The following PAH variants were observed in gnomAD, a reference collection of about 807,000 sequenced individuals.
The protein encoded by PAH is phenylalanine hydroxylase.
Under a neutral mutation model 62.0 loss-of-function variants are expected in PAH, and 64 were observed. The observed-to-expected ratio is 1.03, with a 90% confidence interval of 0.84 to 1.27. The LOEUF is 1.27. Ranked by LOEUF, PAH falls within the 50% of genes most tolerant of loss-of-function variation. The pLI, the probability that PAH is intolerant of heterozygous loss-of-function variation, is 0.00. For synonymous variants in PAH, 195 were observed against 196.2 expected, an observed-to-expected ratio of 0.99 and a Z score of 0.05; for missense variants, 579 against 542.8, an observed-to-expected ratio of 1.07 and a Z score of -0.66.
intron 1 of PAH, 130 bp from the exon 2 acceptor site, chr12:102,913,028 A>G (rs1878263978): frequency 1.5e-6 from 1 of 688,320 alleles, no homozygotes; most frequent in South Asian, 1.5e-5. Flanking sequence ...TGAGCTATAT[A>G]TATTCTATAC....
intron 3 of PAH, among the ~76,000 whole-genome samples, chr12:102,891,734 C>T (rs1457395546): frequency 6.6e-6 from 1 of 152,110 alleles, no homozygotes. Flanking sequence ...TCTTAACTCC[C>T]CCTCAATGTC....
intron 2 of PAH, among the ~76,000 whole-genome samples, chr12:102,902,349 C>T (rs1429167384): frequency 2.0e-5 from 3 of 152,156 alleles, no homozygotes; most frequent in African/African-American, 7.2e-5. Context: ...TTGGTTTTCA[C>T]TCTGAGTGAT....
At chr12:102,910,537 AT>A (rs1448703260) in intron 2 of PAH, among the ~76,000 whole-genome samples, 1 of 151,894 alleles carries the variant, frequency 6.6e-6, no homozygotes, top group Non-Finnish European at 1.5e-5. Context: ...CGCCGGGCTA[AT>A]TTTTTGTATT....
At chr12:102,895,365 C>G (rs1877456063) in intron 2 of PAH, among the ~76,000 whole-genome samples, 1 of 152,102 alleles carries the variant, frequency 6.6e-6, no homozygotes, top group Admixed American at 6.5e-5. Flanking sequence ...TATCTAATAT[C>G]TAAATTTATT....
chr12:102,849,829 T>C (rs1106703), intron 8 of PAH, among the ~76,000 whole-genome samples: 37,969 of 152,076 alleles, frequency 0.25, 5,963 homozygotes, highest in African/African-American at 0.41. Flanking sequence ...TCCTGTACTG[T>C]AGTGGGAAGC....
At chr12:102,956,503 G>C (rs1358297048) in intron 1 of PAH, among the ~76,000 whole-genome samples, 1 of 151,902 alleles carries the variant, frequency 6.6e-6, no homozygotes, top group African/African-American at 2.4e-5. Context: ...GCCTGCCACC[G>C]GGCCGCCGGG....
intron 3 of PAH, among the ~76,000 whole-genome samples, chr12:102,889,825 C>T (rs1221354214): frequency 6.6e-6 from 1 of 152,088 alleles, no homozygotes; most frequent in Non-Finnish European, 1.5e-5. Context: ...ATTTTCTAGC[C>T]CCCACTAAAT....
intron 8 of PAH, among the ~76,000 whole-genome samples, chr12:102,847,801 G>A (rs1188505556): frequency 6.6e-6 from 1 of 152,218 alleles, no homozygotes; most frequent in Non-Finnish European, 1.5e-5. Flanking sequence ...CAGACTTGAA[G>A]GAAGTGGAGT....
chr12:102,915,804 G>GAT (rs1878358153), intron 1 of PAH, among the ~76,000 whole-genome samples: 2 of 148,568 alleles, frequency 1.3e-5, no homozygotes, highest in African/African-American at 2.5e-5. Context: ...TGGAACCATT[G>GAT]ATATATATAC....
intron 2 of PAH, among the ~76,000 whole-genome samples, chr12:102,908,701 A>T (rs946239957): frequency 1.3e-5 from 2 of 152,254 alleles, no homozygotes; most frequent in African/African-American, 4.8e-5. Flanking sequence ...ATAGGTTACA[A>T]TTAATGAACC....
intron 1 of PAH, among the ~76,000 whole-genome samples, chr12:102,924,281 T>C (rs1323199930): frequency 6.6e-6 from 1 of 152,182 alleles, no homozygotes; most frequent in Non-Finnish European, 1.5e-5. Context: ...ATGTCCTGTA[T>C]AGAAAGTCTC....
chr12:102,895,854 C>CAA lies in PAH; in HGVS notation c.169-938_169-937dup, dbSNP rs780516168. Among the ~76,000 whole-genome samples the CAA allele has an allele frequency of 3.1e-3, 329 of 104,914 alleles. 1 individual carries two copies. Among genetic ancestry groups the CAA allele is most frequent in the African/African-American group, 8.9e-3 (262 of 29,288 alleles). The allele number at this position is 104,914 out of a possible 152,430, so 68.8% of individuals were successfully genotyped here. A position where few individuals can be genotyped will look rare whatever the true frequency, so the allele number is the denominator to read the frequency against. ...TGGGCGACAGAGCGAGACTCTGTCT[C>CAA]AAAAAAAAAAAAAAAATATATATAT... is the stretch of plus-strand genomic sequence containing the variant. On this transcript the variant is annotated intron_variant, in intron 2 of 12. Transcript: ENST00000553106.
At chr12:102,884,547 TG>T (rs1358702481) in intron 3 of PAH, among the ~76,000 whole-genome samples, 1 of 152,200 alleles carries the variant, frequency 6.6e-6, no homozygotes, top group Non-Finnish European at 1.5e-5. Flanking sequence ...TCTCTGGCTT[TG>T]CATCTGTGAA....
chr12:102,848,929 A>C (rs1027958331), intron 8 of PAH, among the ~76,000 whole-genome samples: 2 of 152,014 alleles, frequency 1.3e-5, no homozygotes, highest in Non-Finnish European at 2.9e-5. Context: ...CTGAGTGTAG[A>C]CGGGACACCA....
chr12:102,869,255 A>G (rs1192356421), intron 4 of PAH, among the ~76,000 whole-genome samples: 1 of 152,214 alleles, frequency 6.6e-6, no homozygotes, highest in Non-Finnish European at 1.5e-5. Context: ...CTACTTGTGA[A>G]AATAAAAGCT....
intron 1 of PAH, among the ~76,000 whole-genome samples, chr12:102,914,094 A>T (rs967951487): frequency 3.3e-5 from 5 of 152,236 alleles, no homozygotes; most frequent in African/African-American, 1.2e-4. Context: ...ACCCTTAGCA[A>T]AAAATTCTTT....
intron 5 of PAH, among the ~76,000 whole-genome samples, chr12:102,859,968 G>A (rs148437017): frequency 0.012 from 1,772 of 152,316 alleles, 14 homozygotes; most frequent in South Asian, 0.02. Flanking sequence ...AGTGTTGGAA[G>A]TTCTGGTCAG....
At chr12:102,935,773 T>G (rs1336120999) in intron 1 of PAH, among the ~76,000 whole-genome samples, 1 of 152,042 alleles carries the variant, frequency 6.6e-6, no homozygotes, top group Non-Finnish European at 1.5e-5. Context: ...TTTAATTCGG[T>G]CTTCTCCCTT....
At chr12:102,893,474 C>A (rs986086656) in intron 3 of PAH, among the ~76,000 whole-genome samples, 1 of 152,024 alleles carries the variant, frequency 6.6e-6, no homozygotes, top group African/African-American at 2.4e-5. Context: ...ATGCTTGAGG[C>A]CCTAAAAAGC....
Sources: gnomAD v4.1 joint callset for allele counts (sites outside exome capture counted in the v4.1 genomes callset) on GRCh38, gnomAD v4.1.1 for gene constraint, MANE v1.5 for transcripts, NCBI Gene and HGNC (gene_info 2026-07-23, HGNC 2026-07-21) for gene names.